KCNH1: variants seen among roughly 807,000 people sequenced by gnomAD.
KCNH1 encodes the protein voltage-gated delayed rectifier potassium channel KCNH1.
In KCNH1, 27 loss-of-function variants were observed where a neutral mutation model predicts 69.2. That is an observed-to-expected ratio of 0.39 (90% CI 0.29 to 0.54). KCNH1 has a LOEUF of 0.54. Ranked by LOEUF, KCNH1 falls within the 20% of genes least tolerant of loss-of-function variation. The pLI, the probability that KCNH1 is intolerant of heterozygous loss-of-function variation, is 0.68. For missense variants in KCNH1, 798 were observed against 1,261.6 expected, an observed-to-expected ratio of 0.63 and a Z score of 5.57; for synonymous variants, 456 against 487.7, an observed-to-expected ratio of 0.93 and a Z score of 0.86.
chr1:210,860,331 T>C (rs1685950734), intron 7 of KCNH1: 4 of 1,414,820 alleles, frequency 2.8e-6, no homozygotes. Flanking sequence ...CCTCATAGAA[T>C]TCTGAGACAT....
chr1:210,860,694 T>C, intron 7 of KCNH1: 1 of 774,970 alleles, frequency 1.3e-6, no homozygotes, highest in Non-Finnish European at 2.4e-6. Context: ...CTTTAGATTT[T>C]TCTTGATTGC....
chr1:210,903,934 C>T (rs929601416), intron 7 of KCNH1, among the ~76,000 whole-genome samples: 1 of 152,166 alleles, frequency 6.6e-6, no homozygotes, highest in African/African-American at 2.4e-5. Flanking sequence ...CCCATTCTCG[C>T]CCCTAAGAGA....
At chr1:210,825,232 T>C (rs1685011314) in intron 7 of KCNH1, among the ~76,000 whole-genome samples, 1 of 152,212 alleles carries the variant, frequency 6.6e-6, no homozygotes, top group South Asian at 2.1e-4. Flanking sequence ...CTACGTCAGC[T>C]TGGAATACAA....
intron 7 of KCNH1, among the ~76,000 whole-genome samples, chr1:210,865,617 G>T (rs1476642171): frequency 6.6e-6 from 1 of 152,130 alleles, no homozygotes; most frequent in Admixed American, 6.5e-5. Context: ...TATTTCTTTT[G>T]CTAATAAATG....
In KCNH1 at chr1:211,078,761, C is replaced by T. The variant is rs149564522; in HGVS notation, c.558+4019G>A. ...AAAGCTAGCAGAAGGCAAGAAATAACTAAGATCATAGACAGGCATGGTGGT... is the reference window on the plus strand; with the variant it reads ...AAAGCTAGCAGAAGGCAAGAAATAATTAAGATCATAGACAGGCATGGTGGT... On this transcript the variant is annotated intron_variant, in intron 5 of 10. Transcript: ENST00000271751. Among the ~76,000 whole-genome samples, 850 of 151,680 alleles carry T rather than the reference C, an allele frequency of 5.6e-3. 4 individuals carry two copies. Among genetic ancestry groups the T allele is most frequent in the African/African-American group, 0.02 (814 of 41,382 alleles).
intron 10 of KCNH1, among the ~76,000 whole-genome samples, chr1:210,755,682 A>G (rs917807559): frequency 1.3e-5 from 2 of 152,192 alleles, no homozygotes; most frequent in Non-Finnish European, 2.9e-5. Flanking sequence ...TTTCTGCAAA[A>G]TCCATTCATC....
chr1:211,113,172 T>C (rs1477165704), intron 1 of KCNH1, among the ~76,000 whole-genome samples: 1 of 152,226 alleles, frequency 6.6e-6, no homozygotes, highest in African/African-American at 2.4e-5. Context: ...ATTTTACTCA[T>C]GAGGAACCTG....
At position 210,681,945 on chromosome 1, in the gene KCNH1, T is replaced by G. The variant is rs1301704159; in HGVS notation, c.*1336A>C. ...AGCCCAAGCACATGAATAACCTGAC[T>G]TAGGTGACCATGAGGCAGTGAAGTG... is the stretch of plus-strand genomic sequence containing the variant. On this transcript the variant is annotated 3_prime_UTR_variant, in exon 11 of 11. Coordinates refer to ENST00000271751, the MANE Select transcript of KCNH1 (RefSeq NM_172362.3). 3 of 152,208 alleles carry G rather than the reference T, an allele frequency of 2.0e-5. No individual in the cohort carries two copies. The highest frequency in any genetic ancestry group is 2.9e-5 in the Non-Finnish European group (2 of 68,070). 9.4% of individuals were successfully genotyped at this position (152,208 alleles called of 1,614,324 possible).
At chr1:210,935,165 C>CAT (rs1484838640) in intron 6 of KCNH1, among the ~76,000 whole-genome samples, 1 of 109,042 alleles carries the variant, frequency 9.2e-6, no homozygotes, top group Admixed American at 9.5e-5. Context: ...CACACACACA[C>CAT]GAATAGTATT....
intron 1 of KCNH1, among the ~76,000 whole-genome samples, chr1:211,118,227 C>T (rs948680256): frequency 6.6e-6 from 1 of 152,142 alleles, no homozygotes; most frequent in African/African-American, 2.4e-5. Flanking sequence ...ACACACATAC[C>T]ACACACGTAT....
At chr1:210,925,335 C>A (rs1394540311) in intron 6 of KCNH1, among the ~76,000 whole-genome samples, 1 of 152,220 alleles carries the variant, frequency 6.6e-6, no homozygotes, top group East Asian at 1.9e-4. Flanking sequence ...GCTCCAAGAA[C>A]TACTGCAGGA....
At chr1:210,833,190 A>G (rs1295361112) in intron 7 of KCNH1, among the ~76,000 whole-genome samples, 1 of 152,134 alleles carries the variant, frequency 6.6e-6, no homozygotes. Flanking sequence ...TAAATATGAT[A>G]TATTTATAAA....
chr1:210,778,775 T>A (rs1332778065), intron 9 of KCNH1, among the ~76,000 whole-genome samples: 1 of 152,184 alleles, frequency 6.6e-6, no homozygotes, highest in Non-Finnish European at 1.5e-5. Flanking sequence ...AAGCCAGAAC[T>A]ATTGAGAGTA....
intron 7 of KCNH1, among the ~76,000 whole-genome samples, chr1:210,918,404 C>A (rs1356536454): frequency 6.6e-6 from 1 of 152,220 alleles, no homozygotes; most frequent in East Asian, 1.9e-4. Flanking sequence ...CTGAATTTGT[C>A]ATTGAAGTGC....
chr1:210,985,294 C>G (rs1173644971), intron 6 of KCNH1, among the ~76,000 whole-genome samples: 1 of 152,156 alleles, frequency 6.6e-6, no homozygotes, highest in Non-Finnish European at 1.5e-5. Context: ...CAGTTCTGCT[C>G]TGATCTTAGT....
At chr1:210,856,150 TG>T (rs913379510) in intron 7 of KCNH1, among the ~76,000 whole-genome samples, 3 of 152,192 alleles carry the variant, frequency 2.0e-5, no homozygotes, top group African/African-American at 7.2e-5. Flanking sequence ...CTAAAAACTC[TG>T]TTTTCCATAT....
In KCNH1 at chr1:211,082,821, G is replaced by C. The variant is rs1478934692; in HGVS notation, c.517C>G (p.Gln173Glu). 6.2e-7 allele frequency: 1 copy of C among 1,614,022 alleles called. No homozygotes were observed. Among genetic ancestry groups the C allele is most frequent in the Non-Finnish European group, 8.5e-7 (1 of 1,179,978 alleles). Residue 173 changes from glutamine to glutamate, a missense_variant, in exon 5 of 11, where the codon CAA becomes GAA. Coordinates refer to ENST00000271751, the MANE Select transcript of KCNH1 (RefSeq NM_172362.3). ...GVLQQLAPSV[Q>E]KGENVHKHSR... ...TGCTTGTGGACATTCTCGCCTTTTT[G>C]CACGCTTGGAGCCAGCTGCTGCAGG...
intron 6 of KCNH1, among the ~76,000 whole-genome samples, chr1:210,967,298 T>G (rs1487190885): frequency 3.3e-5 from 5 of 152,188 alleles, no homozygotes; most frequent in African/African-American, 1.2e-4. Context: ...GTTCTGCACA[T>G]GTACCCCAGA....
intron 6 of KCNH1, among the ~76,000 whole-genome samples, chr1:211,000,492 A>T (rs1307660123): frequency 6.6e-6 from 1 of 152,188 alleles, no homozygotes; most frequent in Non-Finnish European, 1.5e-5. Context: ...ACTACAAACC[A>T]CTGCTCAATG....
Sources: gnomAD v4.1 joint callset for allele counts (sites outside exome capture counted in the v4.1 genomes callset) on GRCh38, gnomAD v4.1.1 for gene constraint, MANE v1.5 for transcripts, NCBI Gene and HGNC (gene_info 2026-07-23, HGNC 2026-07-21) for gene names.